BPIFA2: variants seen among roughly 807,000 people sequenced by gnomAD.
The protein encoded by BPIFA2 is BPI fold-containing family A member 2.
BPIFA2 carries 20 observed loss-of-function variants against 25.7 expected under a neutral mutation model. The observed-to-expected ratio is 0.78, with a 90% CI of 0.55 to 1.13. The LOEUF (loss-of-function observed/expected upper bound fraction) is 1.13. Ranked by LOEUF, BPIFA2 falls within the 50% of genes most tolerant of loss-of-function variation. BPIFA2 has a pLI of 0.00. For synonymous variants in BPIFA2, 126 were observed against 124.3 expected (o/e 1.01, Z -0.09); for missense variants, 300 against 298.1 (o/e 1.01, Z -0.05).
chr20:33,176,861 A>G (rs1431954760), intron 5 of BPIFA2, among the ~76,000 whole-genome samples: 1 of 152,114 alleles, frequency 6.6e-6, no homozygotes, highest in African/African-American at 2.4e-5. Context: ...TCCCAGCTTA[A>G]GACCTTTGCC....
At chr20:33,175,272 C>A in intron 4 of BPIFA2, 135 bp from the exon 5 acceptor site, 1 of 850,054 alleles carries the variant, frequency 1.2e-6, no homozygotes, top group Non-Finnish European at 1.8e-6. Flanking sequence ...GGATATGGAC[C>A]ATGTTGATAT....
chr20:33,181,156 G>A (rs1423080305), intron 8 of BPIFA2, 68 bp from the exon 9 acceptor site: 1 of 152,592 alleles, frequency 6.6e-6, no homozygotes, highest in South Asian at 2.1e-4. Context: ...GTGCCCAGTG[G>A]ATGACTGACA....
rs1466840056 is a variant in BPIFA2, at chr20:33,169,221, G to A, written c.76G>A (p.Gly26Ser). ...GTSESLLDNLGNDLSNVVDKL... is the reference protein window; with the variant it reads ...GTSESLLDNLSNDLSNVVDKL... The stretch of plus-strand genomic sequence containing the variant: ...CTCAGAGTCTCTTCTTGACAATCTT[G>A]GCAATGACCTAAGCAATGTCGTGGA... Residue 26 changes from glycine (G) to serine (S), a missense_variant, in exon 2 of 9, where the codon GGC becomes AGC. Coordinates refer to ENST00000354932, the MANE Select transcript of BPIFA2 (RefSeq NM_080574.4). 3 of 1,613,828 alleles carry A rather than the reference G, an allele frequency of 1.9e-6. No homozygotes were observed. The highest frequency in any genetic ancestry group is 2.5e-6 in the Non-Finnish European group (3 of 1,179,880).
chr20:33,180,457 G>A, intron 7 of BPIFA2, 63 bp from the exon 8 acceptor site: 1 of 1,546,404 alleles, frequency 6.5e-7, no homozygotes, highest in Non-Finnish European at 8.9e-7. Context: ...ATCTTTTGGA[G>A]TCTGGTCTCT....
upstream of BPIFA2, among the ~76,000 whole-genome samples, chr20:33,166,709 T>A (rs1356816737): frequency 6.6e-6 from 1 of 152,154 alleles, no homozygotes; most frequent in Non-Finnish European, 1.5e-5. Context: ...CGTTTTGATT[T>A]CCTAGGTCCT....
chr20:33,179,482 A>G (rs1984197376), intron 6 of BPIFA2, 122 bp from the exon 7 acceptor site: 3 of 794,084 alleles, frequency 3.8e-6, no homozygotes, highest in East Asian at 2.5e-5. Flanking sequence ...AGGTTCAAAG[A>G]TTCTAAGATC....
chr20:33,178,216 G>T lies in BPIFA2; in HGVS notation c.633G>T (p.Leu211=). 6.3e-7 allele frequency: 1 copy of T among 1,594,888 alleles called. No homozygotes were observed. The highest frequency in any genetic ancestry group is 8.6e-7 in the Non-Finnish European group (1 of 1,165,038). Residue 211 remains leucine (L), a synonymous_variant, in exon 6 of 9, where the codon CTG becomes CTT. Transcript: ENST00000354932. ...CGCTGAAAAGCACTGTATCCTCCCT[G>T]CTGCAGAAGGAGGTGAGTCTCCCAC... ...INTLKSTVSS[L]LQKEICPLIR... is the part of the protein sequence containing the mutation.
At chr20:33,170,173 C>T (rs6119331) in intron 2 of BPIFA2, among the ~76,000 whole-genome samples, 1,919 of 152,246 alleles carry the variant, frequency 0.013, 48 homozygotes, top group African/African-American at 0.043. Flanking sequence ...GTGAATTATA[C>T]GATTAGACGT....
In BPIFA2 at chr20:33,179,457, C is replaced by G. The variant is rs1233110280; in HGVS notation, c.646-147C>G. 2.6e-5 allele frequency: 16 copies of G among 614,884 alleles called. No individual in the cohort carries two copies. The East Asian group carries it at 4.6e-4, about 18-fold the overall frequency. The allele number at this position is 614,884 out of a possible 1,614,324, so 38.1% of individuals were successfully genotyped here. Reference sequence around the variant, plus strand: ...AAAAAAAAAAAAAAATACAATAAAACAAAATAAAATCCTAAGGTTCAAAGA... The same window carrying G: ...AAAAAAAAAAAAAAATACAATAAAAGAAAATAAAATCCTAAGGTTCAAAGA... On this transcript the variant is annotated intron_variant, in intron 6 of 8. Transcript: ENST00000354932.
At chr20:33,179,482 A>T in intron 6 of BPIFA2, 122 bp from the exon 7 acceptor site, 2 of 794,084 alleles carry the variant, frequency 2.5e-6, no homozygotes, top group South Asian at 3.0e-5. Context: ...AGGTTCAAAG[A>T]TTCTAAGATC....
At position 33,180,556 on chromosome 20, in the gene BPIFA2, T is replaced by A. The variant is rs1555790979; in HGVS notation, c.746T>A (p.Ile249Asn). 3 of 1,613,114 alleles carry A rather than the reference T, an allele frequency of 1.9e-6. No homozygotes were observed. Among genetic ancestry groups the A allele is most frequent in the East Asian group, 4.5e-5 (2 of 44,882 alleles). Residue 249 changes from isoleucine to asparagine, a missense_variant, in exon 8 of 9, where the codon ATC becomes AAC. By Grantham distance (149) the Ile-to-Asn change is moderately radical. Transcript: ENST00000354932. The part of the protein sequence containing the change: ...PQHKTQLQTL[I>N] ...CACAAAACCCAGCTGCAAACCCTCA[T>A]CTGAAGAGGACGAATGAGGAGGACC... is the stretch of plus-strand genomic sequence containing the variant.
intron 5 of BPIFA2, among the ~76,000 whole-genome samples, chr20:33,176,570 TG>T (rs568887891): frequency 7.4e-4 from 113 of 152,364 alleles, no homozygotes; most frequent in African/African-American, 2.5e-3. Context: ...ATTCAGAGGC[TG>T]GAGCCTGGCT....
rs756938900 is a variant in BPIFA2, at chr20:33,179,676, A to G, written c.709+9A>G. 6.2e-7 allele frequency: 1 copy of G among 1,604,818 alleles called. No individual in the cohort carries two copies. The highest frequency in any genetic ancestry group is 1.1e-5 in the South Asian group (1 of 90,876). ...CATTCAGCAGGTCGTCGGTAAGTCA[A>G]TGGGGAAGTGGGGACCTTCTGAGGC... On this transcript the variant is annotated intron_variant, in intron 7 of 8. Transcript: ENST00000354932.
chr20:33,180,410 G>A, intron 7 of BPIFA2, 110 bp from the exon 8 acceptor site: 3 of 1,184,254 alleles, frequency 2.5e-6, no homozygotes, highest in Non-Finnish European at 3.8e-6. Context: ...ACATCCCTGG[G>A]GTCCCACAAC....
At position 33,173,053 on chromosome 20, in the gene BPIFA2, T is replaced by C; in HGVS notation, c.279T>C (p.Leu93=). ...TGAACAATGTCATTTCTAAGCTGCT[T>C]CCAACTAACACGGACATTTTTGGGT... ...KLLNNVISKL[L]PTNTDIFGLK... Residue 93 remains leucine (L), a synonymous_variant, in exon 3 of 9, where the codon CTT becomes CTC. Transcript: ENST00000354932. 1 of 1,613,918 alleles carries C rather than the reference T, an allele frequency of 6.2e-7. No individual in the cohort carries two copies. The highest frequency in any genetic ancestry group is 2.2e-5 in the East Asian group (1 of 44,864).
At chr20:33,178,273 G>C (rs778504156) in intron 6 of BPIFA2, 45 bp downstream of exon 6, 14 of 1,441,122 alleles carry the variant, frequency 9.7e-6, no homozygotes, top group Non-Finnish European at 1.4e-5. Context: ...CCTGGTGGGG[G>C]CAGGTGGGGG....
upstream of BPIFA2, among the ~76,000 whole-genome samples, chr20:33,164,852 C>T (rs17124251): frequency 1.2e-4 from 18 of 152,200 alleles, no homozygotes; most frequent in Non-Finnish European, 1.0e-4. Flanking sequence ...TTTAAATTTT[C>T]TCTGGGAGTG....
intron 6 of BPIFA2, among the ~76,000 whole-genome samples, chr20:33,178,641 G>A (rs893768236): frequency 2.0e-5 from 3 of 151,816 alleles, no homozygotes; most frequent in Admixed American, 2.0e-4. Flanking sequence ...TTTTCCATCT[G>A]TGCATCATCC....
chr20:33,179,629 T>C lies in BPIFA2; in HGVS notation c.671T>C (p.Ile224Thr), dbSNP rs1984203294. The C allele has an allele frequency of 6.2e-7, 1 of 1,613,018 alleles. No individual in the cohort carries two copies. The highest frequency in any genetic ancestry group is 1.1e-5 in the South Asian group (1 of 91,070). ...ATATGTCCACTGATCCGCATCTTCATCCACTCCCTGGATGTGAATGTCATT... is the reference window on the plus strand; with the variant it reads ...ATATGTCCACTGATCCGCATCTTCACCCACTCCCTGGATGTGAATGTCATT... ...KEICPLIRIF[I>T]HSLDVNVIQQ... Residue 224 changes from isoleucine (I) to threonine (T), a missense_variant, in exon 7 of 9, where the codon ATC becomes ACC. Ile to Thr is a moderately conservative substitution (Grantham distance 89). Transcript: ENST00000354932.
Sources: allele counts gnomAD v4.1 joint callset (sites outside exome capture counted in the v4.1 genomes callset), GRCh38; gene constraint gnomAD v4.1.1; transcripts MANE v1.5; gene names NCBI Gene and HGNC (gene_info 2026-07-23, HGNC 2026-07-21).